The following GSK3B variants were observed in gnomAD, a reference collection of about 807,000 sequenced individuals.
GSK3B encodes the protein glycogen synthase kinase-3 beta.
A neutral mutation model predicts 56.4 loss-of-function variants in GSK3B; 15 were observed. The observed-to-expected ratio is 0.27, with a 90% CI of 0.18 to 0.41. The LOEUF (loss-of-function observed/expected upper bound fraction) is 0.41. GSK3B is among the 10% of genes least tolerant of loss of function. GSK3B has a pLI of 1.00. For synonymous variants in GSK3B, 181 were observed against 188.9 expected (o/e 0.96, Z 0.34); for missense variants, 300 against 513.4 (o/e 0.58, Z 4.02).
intron 1 of GSK3B, among the ~76,000 whole-genome samples, chr3:120,004,763 T>C (rs2057711094): frequency 6.6e-6 from 1 of 151,988 alleles, no homozygotes; most frequent in Non-Finnish European, 1.5e-5. Flanking sequence ...CAAAACCCCA[T>C]ACGTAGGCCA....
At chr3:119,963,730 G>C (rs1424258708) in intron 2 of GSK3B, among the ~76,000 whole-genome samples, 4 of 151,690 alleles carry the variant, frequency 2.6e-5, no homozygotes, top group Non-Finnish European at 4.4e-5. Context: ...TAAAGTCAAT[G>C]GATCTTCAAC....
intron 1 of GSK3B, among the ~76,000 whole-genome samples, chr3:120,055,847 T>C (rs866810875): frequency 3.3e-5 from 5 of 152,270 alleles, no homozygotes; most frequent in Middle Eastern, 3.4e-3. Context: ...CACTAGAATT[T>C]ATTCGGAATT....
intron 2 of GSK3B, among the ~76,000 whole-genome samples, chr3:119,985,191 A>C (rs1228551269): frequency 6.6e-6 from 1 of 152,200 alleles, no homozygotes; most frequent in Non-Finnish European, 1.5e-5. Flanking sequence ...AACGTATCTC[A>C]AAATAAGAGC....
rs201146011 is a variant in GSK3B at position 119,947,304 on chromosome 3, G to T, written c.330C>A (p.Val110=). The T allele has an allele frequency of 1.9e-6, 3 of 1,604,630 alleles. No homozygotes were observed. Among genetic ancestry groups the T allele is most frequent in the South Asian group, 2.2e-5 (2 of 90,844 alleles). Residue 110 remains valine, a synonymous_variant, in exon 3 of 11, where the codon GTC becomes GTA. Coordinates refer to ENST00000264235, the MANE Select transcript of GSK3B (RefSeq NM_001146156.2). ...IMRKLDHCNI[V]RLRYFFYSSG... ...TGGAGTAGAAGAAATAACGCAATCG[G>T]ACTATGTTACAGTGATCTAGCTTTC...
chr3:119,888,666 A>G (rs2056467210), intron 7 of GSK3B, among the ~76,000 whole-genome samples: 1 of 152,144 alleles, frequency 6.6e-6, no homozygotes, highest in Non-Finnish European at 1.5e-5. Flanking sequence ...GACAACCATA[A>G]GGTCTGACTG....
At position 120,041,461 on chromosome 3, in the gene GSK3B, A is replaced by G. The variant is rs958625092; in HGVS notation, c.89-39222T>C. The G allele has an allele frequency of 4.6e-5, 12 of 259,870 alleles. No individual in the cohort carries two copies. In the Middle Eastern group the frequency reaches 1.4e-3, roughly 31 times the overall value. The allele number at this position is 259,870 out of a possible 1,614,324, so 16.1% of individuals were successfully genotyped here. A position where few individuals can be genotyped will look rare whatever the true frequency, so the allele number is the denominator to read the frequency against. Reference sequence around the variant, plus strand: ...ATGCATACCTTCAAAAAAGACTTCTATAAGGAAATCCTCAATGTGATCATT... The same window carrying G: ...ATGCATACCTTCAAAAAAGACTTCTGTAAGGAAATCCTCAATGTGATCATT... On this transcript the variant is annotated intron_variant, in intron 1 of 10. Transcript: ENST00000264235.
intron 2 of GSK3B, among the ~76,000 whole-genome samples, chr3:120,001,313 C>T (rs894335112): frequency 2.0e-5 from 3 of 152,070 alleles, no homozygotes; most frequent in Non-Finnish European, 4.4e-5. Flanking sequence ...AGGCGACTTG[C>T]CTGAGCTCAG....
At position 119,886,246 on chromosome 3, in the gene GSK3B, C is replaced by T. The variant is rs77144705; in HGVS notation, c.814-9738G>A. On this transcript the variant is annotated intron_variant, in intron 7 of 10. Transcript: ENST00000264235. ...AATGGGCAGAACACGTGAACAGAAA[C>T]TTCTCTAAAGAAGAGATGTAAGTGG... Among the ~76,000 whole-genome samples, 18 of 152,158 alleles carry T rather than the reference C, an allele frequency of 1.2e-4. No individual in the cohort carries two copies. In the East Asian group the frequency reaches 2.7e-3, roughly 23 times the overall value.
intron 3 of GSK3B, among the ~76,000 whole-genome samples, chr3:119,926,295 T>TA (rs967059139): frequency 2.2e-4 from 33 of 151,350 alleles, no homozygotes; most frequent in African/African-American, 7.3e-4. Flanking sequence ...GAATCATCCT[T>TA]AATCAACTCC....
At chr3:120,049,995 G>T (rs1317106758) in intron 1 of GSK3B, among the ~76,000 whole-genome samples, 3 of 152,206 alleles carry the variant, frequency 2.0e-5, no homozygotes, top group African/African-American at 7.2e-5. Context: ...TCACCTCACA[G>T]TTCTACAGGC....
At position 120,078,189 on chromosome 3, in the gene GSK3B, T is replaced by C. The variant is rs536781862; in HGVS notation, c.88+15158A>G. ...GGTCCACAGCAGCATTTCTCACCTC[T>C]TTCCTAGACTTTAGAAAGTCTAGGC... On this transcript the variant is annotated intron_variant, in intron 1 of 10. Transcript: ENST00000264235. 3.3e-5 allele frequency among the ~76,000 whole-genome samples: 5 copies of C among 152,294 alleles called. No individual in the cohort carries two copies. The East Asian group carries it at 9.7e-4, about 29-fold the overall frequency.
chr3:120,057,905 C>T (rs2058204404), intron 1 of GSK3B, among the ~76,000 whole-genome samples: 1 of 151,874 alleles, frequency 6.6e-6, no homozygotes. Flanking sequence ...GAGTCAGAAG[C>T]CCAAACTGTA....
chr3:119,866,592 G>C, intron 8 of GSK3B: 1 of 1,597,996 alleles, frequency 6.3e-7, no homozygotes, highest in Non-Finnish European at 8.6e-7. Context: ...GTACATACCC[G>C]CACTCCTGAG....
At chr3:119,990,193 C>T (rs150269378) in intron 2 of GSK3B, among the ~76,000 whole-genome samples, 241 of 152,240 alleles carry the variant, frequency 1.6e-3, no homozygotes, top group Middle Eastern at 3.4e-3. Context: ...TGGAAAGATG[C>T]TAGCCCCGAG....
At chr3:119,933,148 A>G (rs985699365) in intron 3 of GSK3B, among the ~76,000 whole-genome samples, 2 of 152,232 alleles carry the variant, frequency 1.3e-5, no homozygotes, top group African/African-American at 4.8e-5. Flanking sequence ...AAAATGGCCA[A>G]CAAAACTGTA....
intron 1 of GSK3B, among the ~76,000 whole-genome samples, chr3:120,050,465 A>C (rs557579459): frequency 1.3e-5 from 2 of 152,260 alleles, no homozygotes; most frequent in Admixed American, 1.3e-4. Context: ...ATAAGGTCCT[A>C]AACTAAAGTG....
At chr3:120,079,336 ACACACACACACACATTTTT>A (rs1338184159) in intron 1 of GSK3B, among the ~76,000 whole-genome samples, 11 of 144,068 alleles carry the variant, frequency 7.6e-5, no homozygotes, top group African/African-American at 1.0e-4. Context: ...ACACACACAC[ACACACACACACACATTTTT>A]TTTTTTAATA....
chr3:119,837,205 A>G (rs1287749424), intron 10 of GSK3B, among the ~76,000 whole-genome samples: 1 of 152,130 alleles, frequency 6.6e-6, no homozygotes. Context: ...CCCATGCTGG[A>G]GTGCAGTGGC....
chr3:120,078,561 CT>C, intron 1 of GSK3B, among the ~76,000 whole-genome samples: 1 of 109,358 alleles, frequency 9.1e-6, no homozygotes, highest in African/African-American at 3.4e-5. Flanking sequence ...TTTTTTTTTT[CT>C]TTTTTTTCTG....
Sources: gnomAD v4.1 joint callset for allele counts (sites outside exome capture counted in the v4.1 genomes callset) on GRCh38, gnomAD v4.1.1 for gene constraint, MANE v1.5 for transcripts, NCBI Gene and HGNC (gene_info 2026-07-23, HGNC 2026-07-21) for gene names.